Variants in RUNX1T1 observed in about 807,000 individuals in gnomAD.
RUNX1T1 encodes protein CBFA2T1.
RUNX1T1 carries 4 observed loss-of-function variants against 62.8 expected under a neutral mutation model. The ratio of observed to expected loss-of-function variants is 0.06; its 90% CI spans 0.03 to 0.15. RUNX1T1 has a LOEUF of 0.15. Ranked by LOEUF, RUNX1T1 falls within the 10% of genes least tolerant of loss-of-function variation. RUNX1T1 has a pLI of 1.00. For synonymous variants in RUNX1T1, 291 were observed against 286.0 expected (o/e 1.02, Z -0.18); for missense variants, 508 against 754.3 (o/e 0.67, Z 3.82).
intron 1 of RUNX1T1, among the ~76,000 whole-genome samples, chr8:92,041,353 G>A (rs13251018): frequency 1.3e-5 from 2 of 152,024 alleles, no homozygotes; most frequent in South Asian, 2.1e-4. Context: ...CACAAAGGCC[G>A]GGGCTTTGTT....
intron 5 of RUNX1T1, among the ~76,000 whole-genome samples, chr8:92,002,286 A>G (rs1391877805): frequency 6.6e-6 from 1 of 152,132 alleles, no homozygotes; most frequent in Non-Finnish European, 1.5e-5. Flanking sequence ...CACTCCCCAG[A>G]GCTACATTTA....
chr8:91,995,333 C>G (rs563039122), intron 5 of RUNX1T1, among the ~76,000 whole-genome samples: 1 of 152,192 alleles, frequency 6.6e-6, no homozygotes, highest in Non-Finnish European at 1.5e-5. Context: ...TTTTCTAAAG[C>G]AAGGGCAGTA....
intron 1 of RUNX1T1, among the ~76,000 whole-genome samples, chr8:92,090,027 G>C (rs1836745202): frequency 6.6e-6 from 1 of 150,480 alleles, no homozygotes; most frequent in Admixed American, 6.6e-5. Flanking sequence ...TTGTCCGTAT[G>C]AGAGTTGGGA....
intron 1 of RUNX1T1, among the ~76,000 whole-genome samples, chr8:92,053,065 C>T (rs1045185430): frequency 1.3e-5 from 2 of 151,928 alleles, no homozygotes; most frequent in Non-Finnish European, 2.9e-5. Context: ...TTCAAATGAT[C>T]CAATGCAAAT....
chr8:91,999,579 G>C (rs918381538), intron 5 of RUNX1T1, among the ~76,000 whole-genome samples: 5 of 152,118 alleles, frequency 3.3e-5, no homozygotes, highest in Non-Finnish European at 7.4e-5. Context: ...TGAGAACCCA[G>C]GGTTAGAATC....
intron 6 of RUNX1T1, among the ~76,000 whole-genome samples, chr8:91,988,170 T>C (rs756967081): frequency 1.3e-5 from 2 of 152,048 alleles, no homozygotes; most frequent in Admixed American, 1.3e-4. Flanking sequence ...TAAAGATGAG[T>C]CACATGACTG....
chr8:92,075,964 C>A lies in RUNX1T1; in HGVS notation c.88+1G>T. The A allele has an allele frequency of 6.2e-7, 1 of 1,609,882 alleles. No homozygotes were observed. The highest frequency in any genetic ancestry group is 8.5e-7 in the Non-Finnish European group (1 of 1,178,810). On this transcript the variant is annotated splice_donor_variant, in intron 2 of 11. Transcript: ENST00000265814. LOFTEE classifies it high-confidence loss of function. ...AATCAAAATATTTGTCTGTTCCTTACCTTGACAATATTCAAAGTTCCCTTT... is the reference window on the plus strand; with the variant it reads ...AATCAAAATATTTGTCTGTTCCTTAACTTGACAATATTCAAAGTTCCCTTT...
chr8:92,014,538 C>A (rs1191810302), intron 3 of RUNX1T1, 41 bp downstream of exon 4: 8 of 1,559,048 alleles, frequency 5.1e-6, no homozygotes, highest in Non-Finnish European at 7.0e-6. Context: ...CCCACACTAT[C>A]CCTTACACCA....
intron 2 of RUNX1T1, among the ~76,000 whole-genome samples, chr8:92,015,690 T>G (rs182850867): frequency 3.3e-5 from 5 of 152,338 alleles, no homozygotes; most frequent in Admixed American, 2.0e-4. Flanking sequence ...TCATGTTAAG[T>G]CAATTAATTT....
intron 1 of RUNX1T1, among the ~76,000 whole-genome samples, chr8:92,096,663 A>G (rs1427999697): frequency 6.6e-6 from 1 of 152,202 alleles, no homozygotes; most frequent in Non-Finnish European, 1.5e-5. Context: ...GAGTGAGTTC[A>G]GAATGAAGGA....
chr8:92,049,674 A>G (rs1454873534), intron 1 of RUNX1T1, among the ~76,000 whole-genome samples: 1 of 152,162 alleles, frequency 6.6e-6, no homozygotes, highest in African/African-American at 2.4e-5. Context: ...CAAAACAAAT[A>G]CCAAATAACT....
chr8:91,961,064 C>G (rs1810342162), intron 10 of RUNX1T1, among the ~76,000 whole-genome samples: 1 of 152,178 alleles, frequency 6.6e-6, no homozygotes, highest in African/African-American at 2.4e-5. Context: ...CCTTTAACCT[C>G]TCTATGTCTT....
At chr8:92,043,151 T>C (rs1191785418) in intron 1 of RUNX1T1, among the ~76,000 whole-genome samples, 1 of 152,202 alleles carries the variant, frequency 6.6e-6, no homozygotes. Flanking sequence ...AATCTATACA[T>C]ATTTCTCAGA....
chr8:92,022,401 C>T (rs780445714), intron 1 of RUNX1T1, among the ~76,000 whole-genome samples: 4 of 152,012 alleles, frequency 2.6e-5, no homozygotes, highest in Admixed American at 6.5e-5. Context: ...TCACAGGTGC[C>T]GTGATCTGAA....
At chr8:91,959,870 T>G (rs1810063007) in exon 11 of RUNX1T1, 1 of 307,660 alleles carries the variant, frequency 3.3e-6, no homozygotes, top group Non-Finnish European at 6.2e-6. Context: ...CAACAGCAAT[T>G]AGCAATCTCT....
chr8:91,955,482 C>A (rs537216967), downstream of RUNX1T1: 1 of 226,058 alleles, frequency 4.4e-6, no homozygotes, highest in South Asian at 1.8e-4. Flanking sequence ...AAAAAAAAAT[C>A]TGTTCTGATA....
chr8:92,002,314 T>C (rs1819914002), intron 5 of RUNX1T1, among the ~76,000 whole-genome samples: 1 of 152,058 alleles, frequency 6.6e-6, no homozygotes, highest in African/African-American at 2.4e-5. Flanking sequence ...GTAGAAAACA[T>C]TTCACTGTTC....
chr8:91,959,336 T>C (rs1349373468), exon 11 of RUNX1T1: 3 of 226,436 alleles, frequency 1.3e-5, no homozygotes, highest in East Asian at 6.1e-5. Context: ...TGAAGAAACG[T>C]TGAAGGGTTA....
intron 1 of RUNX1T1, among the ~76,000 whole-genome samples, chr8:92,024,479 CA>C (rs942403406): frequency 1.0e-5 from 1 of 95,246 alleles, no homozygotes; most frequent in African/African-American, 4.3e-5. Flanking sequence ...ACTGGGGTAA[CA>C]GAGTGAAACC....
Sources: gnomAD v4.1 joint callset for allele counts (sites outside exome capture counted in the v4.1 genomes callset) on GRCh38, gnomAD v4.1.1 for gene constraint, MANE v1.5 for transcripts, NCBI Gene and HGNC (gene_info 2026-07-23, HGNC 2026-07-21) for gene names.